Variants in EPS15L1 observed in about 807,000 individuals in gnomAD.
EPS15L1 encodes the protein epidermal growth factor receptor pathway substrate 15 like 1, also known as epidermal growth factor receptor substrate 15-like 1.
Under a neutral mutation model 117.1 loss-of-function variants are expected in EPS15L1, and 43 were observed. The observed-to-expected ratio is 0.37, with a 90% CI of 0.29 to 0.47. The LOEUF (loss-of-function observed/expected upper bound fraction) is 0.47. EPS15L1 is among the 20% of genes least tolerant of loss of function. EPS15L1 has a pLI of 0.99. For synonymous variants in EPS15L1, 459 were observed against 470.5 expected (o/e 0.98, Z 0.32); for missense variants, 981 against 1,164.0 (o/e 0.84, Z 2.29).
intron 4 of EPS15L1, among the ~76,000 whole-genome samples, chr19:16,438,970 G>C (rs932686478): frequency 7.2e-5 from 11 of 152,114 alleles, no homozygotes; most frequent in African/African-American, 2.7e-4. Context: ...CTAGACACGG[G>C]AAGGAAGTTG....
At chr19:16,449,900 CA>C (rs1167145638) in intron 1 of EPS15L1, among the ~76,000 whole-genome samples, 3 of 152,270 alleles carry the variant, frequency 2.0e-5, no homozygotes, top group South Asian at 4.1e-4. Flanking sequence ...GGCCAAACCT[CA>C]AAGGTTACAT....
intron 1 of EPS15L1, 46 bp from the exon 2 acceptor site, chr19:16,442,265 T>A (rs778593048): frequency 8.3e-6 from 13 of 1,569,844 alleles, no homozygotes; most frequent in Middle Eastern, 3.4e-4. Flanking sequence ...ACACAACCCC[T>A]TGGGGAAAAA....
In EPS15L1 at chr19:16,367,497, T is replaced by TAAA. The variant is rs71178691; in HGVS notation, c.2381-5516_2381-5514dup. On this transcript the variant is annotated intron_variant, in intron 22 of 23. Coordinates refer to ENST00000455140, the MANE Select transcript of EPS15L1 (RefSeq NM_001258374.3). Reference sequence around the variant, plus strand: ...AATGGTTTACCACAGTATGTGCTGTTAAAAAAAAAAAAAAAAAAAAAAAAA... The same window carrying TAAA: ...AATGGTTTACCACAGTATGTGCTGTTAAAAAAAAAAAAAAAAAAAAAAAAAAAA... 8.2e-3 allele frequency among the ~76,000 whole-genome samples: 535 copies of TAAA among 65,282 alleles called. 28 individuals are homozygous for TAAA. Among genetic ancestry groups the TAAA allele is most frequent in the African/African-American group, 0.011 (167 of 15,086 alleles). 42.8% of individuals were successfully genotyped at this position (65,282 alleles called of 152,430 possible). A position where few individuals can be genotyped will look rare whatever the true frequency, so the allele number is the denominator to read the frequency against.
chr19:16,421,379 T>C lies in EPS15L1; in HGVS notation c.890A>G (p.Gln297Arg). Reference protein sequence around the residue: ...DLDLDGYVSGQEVKEIFMHSG... With the variant: ...DLDLDGYVSGREVKEIFMHSG... ...GTGCATGAAGATCTCCTTCACCTCC[T>C]GGCCACTCACGTAGCCATCCAGGTC... The change falls in exon 10 of 24, where the codon CAG becomes CGG. Residue 297 changes from glutamine to arginine, a missense_variant. Physicochemically the swap from Gln to Arg is conservative, Grantham distance 43. Around this residue, in one of 5 missense-constraint regions of EPS15L1, gnomAD observed 819 missense variants for 949.0 expected, o/e 0.86. Transcript: ENST00000455140. 3 of 1,614,094 alleles carry C rather than the reference T, an allele frequency of 1.9e-6. No individual in the cohort carries two copies. The highest frequency in any genetic ancestry group is 2.5e-6 in the Non-Finnish European group (3 of 1,179,954).
At chr19:16,393,119 AATAAT>A (rs2092497941) in intron 18 of EPS15L1, among the ~76,000 whole-genome samples, 1 of 105,268 alleles carries the variant, frequency 9.5e-6, no homozygotes, top group Non-Finnish European at 2.2e-5. Context: ...TAATAATAAT[AATAAT>A]AAACAACGCA....
chr19:16,433,852 A>G (rs1289713177), intron 7 of EPS15L1, among the ~76,000 whole-genome samples: 3 of 152,060 alleles, frequency 2.0e-5, no homozygotes, highest in Admixed American at 6.6e-5. Flanking sequence ...AATCCCAGCT[A>G]CTTGGGAGGT....
At chr19:16,416,031 G>C (rs1244123924) in intron 12 of EPS15L1, among the ~76,000 whole-genome samples, 1 of 152,214 alleles carries the variant, frequency 6.6e-6, no homozygotes, top group Non-Finnish European at 1.5e-5. Context: ...GCCTGACTCA[G>C]GCCGTGGCTC....
chr19:16,385,262 C>G (rs1258887708), intron 20 of EPS15L1, 51 bp from the exon 21 acceptor site: 1 of 1,488,034 alleles, frequency 6.7e-7, no homozygotes, highest in Admixed American at 1.7e-5. Flanking sequence ...AGAGAACATG[C>G]CTTCTGGGGT....
chr19:16,427,608 A>G (rs2092884363), intron 8 of EPS15L1, among the ~76,000 whole-genome samples: 1 of 152,100 alleles, frequency 6.6e-6, no homozygotes, highest in South Asian at 2.1e-4. Context: ...TGAAAGAAGG[A>G]AGGCTGGGTG....
chr19:16,403,796 A>T lies in EPS15L1; in HGVS notation c.1563T>A (p.Ala521=). Residue 521 remains alanine (A), a synonymous_variant, in exon 15 of 24, where the codon GCT becomes GCA. Coordinates refer to ENST00000455140, the MANE Select transcript of EPS15L1 (RefSeq NM_001258374.3). ...EETQLEQSIQ[A]GRVQLETIIK... is the part of the protein sequence containing the mutation. ...TGATGGTTTCCAGCTGGACTCGCCC[A>T]GCCTGAATGCTCTGCTCCAGCTGGG... 1 of 1,614,076 alleles carries T rather than the reference A, an allele frequency of 6.2e-7. No individual in the cohort carries two copies. The highest frequency in any genetic ancestry group is 1.7e-5 in the Admixed American group (1 of 60,012).
chr19:16,430,035 G>A (rs902540142), intron 7 of EPS15L1, among the ~76,000 whole-genome samples: 3 of 152,232 alleles, frequency 2.0e-5, no homozygotes, highest in African/African-American at 7.2e-5. Flanking sequence ...CCTGGGGGGT[G>A]GAAGTGTCCA....
intron 6 of EPS15L1, among the ~76,000 whole-genome samples, chr19:16,435,538 A>C (rs1161304577): frequency 1.3e-5 from 2 of 152,156 alleles, no homozygotes; most frequent in African/African-American, 4.8e-5. Flanking sequence ...AAAATTTTTT[A>C]ATTTTTAAAA....
intron 1 of EPS15L1, among the ~76,000 whole-genome samples, chr19:16,456,280 T>G (rs1194571984): frequency 6.6e-6 from 1 of 152,144 alleles, no homozygotes; most frequent in African/African-American, 2.4e-5. Flanking sequence ...ACCTGGAAAT[T>G]TATTTGTTTG....
At position 16,461,262 on chromosome 19, in the gene EPS15L1, C is replaced by A. The variant is rs937386409; in HGVS notation, c.33+10651G>T. Reference sequence around the variant, plus strand: ...GAGCTTGCAGTGAGCCGAGATTGCGCCACTGCACTCCAGCCTGGGCGACAG... The same window carrying A: ...GAGCTTGCAGTGAGCCGAGATTGCGACACTGCACTCCAGCCTGGGCGACAG... On this transcript the variant is annotated intron_variant, in intron 1 of 23. Coordinates refer to ENST00000455140, the MANE Select transcript of EPS15L1 (RefSeq NM_001258374.3). Among the ~76,000 whole-genome samples, 7 of 150,022 alleles carry A rather than the reference C, an allele frequency of 4.7e-5. 1 individual carries two copies. Among genetic ancestry groups the A allele is most frequent in the Admixed American group, 4.7e-4 (7 of 15,020 alleles).
intron 22 of EPS15L1, among the ~76,000 whole-genome samples, chr19:16,372,519 C>T (rs903383751): frequency 1.3e-5 from 2 of 152,186 alleles, no homozygotes; most frequent in African/African-American, 4.8e-5. Context: ...GTTCAACTCC[C>T]TGCACGCTTT....
intron 22 of EPS15L1, among the ~76,000 whole-genome samples, chr19:16,376,365 C>T (rs144033744): frequency 1.1e-4 from 17 of 152,314 alleles, no homozygotes; most frequent in Non-Finnish European, 2.4e-4. Context: ...GCCAACTGGC[C>T]GCCGGCCTAA....
In EPS15L1 at chr19:16,395,017, C is replaced by T. The variant is rs569118207; in HGVS notation, c.1915+327G>A. Among the ~76,000 whole-genome samples the T allele has an allele frequency of 2.0e-4, 30 of 151,980 alleles. No individual in the cohort carries two copies. The Middle Eastern group carries it at 0.01, about 52-fold the overall frequency. On this transcript the variant is annotated intron_variant, in intron 17 of 23. Coordinates refer to ENST00000455140, the MANE Select transcript of EPS15L1 (RefSeq NM_001258374.3). The stretch of plus-strand genomic sequence containing the variant: ...GGTGGATTACCTGAGGTCAAGAGTT[C>T]GAGACCAGACTGGGCAACACAGTGA...
intron 16 of EPS15L1, among the ~76,000 whole-genome samples, chr19:16,398,367 A>G (rs1194480205): frequency 6.6e-6 from 1 of 152,248 alleles, no homozygotes; most frequent in East Asian, 1.9e-4. Flanking sequence ...AGTTAAGTAC[A>G]GATGTCCACA....
chr19:16,431,554 G>A (rs567582545), intron 7 of EPS15L1, among the ~76,000 whole-genome samples: 6 of 152,064 alleles, frequency 3.9e-5, no homozygotes, highest in African/African-American at 7.2e-5. Context: ...TGCCCGCCTC[G>A]GCCTCCCAAA....
Sources: gnomAD v4.1 joint callset for allele counts (sites outside exome capture counted in the v4.1 genomes callset) on GRCh38, gnomAD v4.1.1 for gene constraint, gnomAD v4.1.1 regional missense constraint, MANE v1.5 for transcripts, NCBI Gene and HGNC (gene_info 2026-07-23, HGNC 2026-07-21) for gene names.